Variants in AAAS observed in about 807,000 individuals in gnomAD.
AAAS encodes aladin.
In AAAS, 60 loss-of-function variants were observed where a neutral mutation model predicts 75.6. The ratio of observed to expected loss-of-function variants is 0.79; its 90% CI spans 0.64 to 0.98. AAAS has a LOEUF of 0.98. AAAS is among the 50% of genes least tolerant of loss of function. AAAS has a pLI of 0.00. For missense variants in AAAS, 658 were observed against 686.9 expected, an observed-to-expected ratio of 0.96 and a Z score of 0.47; for synonymous variants, 271 against 265.0, an observed-to-expected ratio of 1.02 and a Z score of -0.22.
intron 1 of AAAS, 31 bp downstream of exon 1, chr12:53,321,312 T>G: frequency 1.2e-6 from 2 of 1,605,252 alleles, no homozygotes; most frequent in Admixed American, 1.7e-5. Flanking sequence ...CCCCCATGCC[T>G]GTAGGTCCCC....
At chr12:53,311,204 A>G (rs1340358174) in intron 7 of AAAS, among the ~76,000 whole-genome samples, 1 of 152,130 alleles carries the variant, frequency 6.6e-6, no homozygotes, top group Non-Finnish European at 1.5e-5. Flanking sequence ...TCAGCCTCCG[A>G]AAGTGCTGGA....
chr12:53,310,742 A>G (rs1944376979), intron 7 of AAAS, among the ~76,000 whole-genome samples: 1 of 152,170 alleles, frequency 6.6e-6, no homozygotes, highest in Non-Finnish European at 1.5e-5. Flanking sequence ...AACCACCTTC[A>G]GCTCCAGTGA....
chr12:53,314,299 G>T lies in AAAS; in HGVS notation c.688C>A (p.Arg230=), dbSNP rs758057774. 6.2e-7 allele frequency: 1 copy of T among 1,614,170 alleles called. No homozygotes were observed. Among genetic ancestry groups the T allele is most frequent in the Non-Finnish European group, 8.5e-7 (1 of 1,180,036 alleles). ...GTAAGGCAGGCTACTAGGACTTACC[G>T]GGTAGACAAGGAGGTAGGGTCCAGG... ...WTLDPTSLST[R]PSSGCAQVLS... The change falls in exon 7 of 16, where the codon CGA becomes AGA. Residue 230 remains arginine, a splice_region_variant and synonymous_variant. Coordinates refer to ENST00000209873, the MANE Select transcript of AAAS (RefSeq NM_015665.6).
intron 1 of AAAS, 165 bp downstream of exon 1, chr12:53,321,178 C>G: frequency 2.7e-6 from 3 of 1,092,862 alleles, no homozygotes; most frequent in Non-Finnish European, 3.9e-6. Flanking sequence ...TACTCCAATC[C>G]CAGTCCTAAA....
Position 53,315,343 on chromosome 12 carries a change from G to T in AAAS, c.391C>A (p.His131Asn), listed in dbSNP as rs746462406. The change falls in exon 4 of 16, where the codon CAT becomes AAT. Residue 131 changes from histidine (H) to asparagine (N), a missense_variant. His to Asn is a moderately conservative substitution (Grantham distance 68). Transcript: ENST00000209873. ...ASSLHGSLFP[H>N]LSLRSEDLIA... ...GAGGAAGCCAAACTTACAGACAGAT[G>T]GGGGAACAGGGACCCATGGAGGGAA... 4.3e-6 allele frequency: 7 copies of T among 1,614,048 alleles called. No homozygotes were observed. Among genetic ancestry groups the T allele is most frequent in the African/African-American group, 1.3e-5 (1 of 74,932 alleles).
intron 1 of AAAS, 79 bp downstream of exon 1, chr12:53,321,264 G>A: frequency 6.3e-7 from 1 of 1,575,880 alleles, no homozygotes; most frequent in African/African-American, 1.3e-5. Flanking sequence ...CCCTGCCCCT[G>A]TCACACTGCC....
chr12:53,317,093 A>AAAT (rs1202635029), intron 2 of AAAS, among the ~76,000 whole-genome samples: 2 of 151,814 alleles, frequency 1.3e-5, no homozygotes, highest in East Asian at 1.9e-4. Context: ...CTGTCTCAAA[A>AAAT]AATAATAATA....
In AAAS at chr12:53,309,279, T is replaced by C. The variant is rs1200142947; in HGVS notation, c.813A>G (p.Val271=). 3.1e-6 allele frequency: 5 copies of C among 1,613,612 alleles called. No individual in the cohort carries two copies. In the Admixed American group the frequency reaches 5.0e-5, roughly 16 times the overall value. Residue 271 remains valine, a splice_region_variant and synonymous_variant, in exon 9 of 16, where the codon GTA becomes GTG. Coordinates refer to ENST00000209873, the MANE Select transcript of AAAS (RefSeq NM_015665.6). ...SASPVDAAIR[V]WDVSTETCVP... Reference sequence around the variant, plus strand: ...CACAGGTCTCTGTTGAGACATCCCATACCTAGGAGAGTGGGGCAGGAGATA... The same window carrying C: ...CACAGGTCTCTGTTGAGACATCCCACACCTAGGAGAGTGGGGCAGGAGATA...
chr12:53,316,715 C>T lies in AAAS; in HGVS notation c.252-933G>A, dbSNP rs547871477. ...GGTGGCGATTGCAGTGAGCCAACAT[C>T]GTGCCACCACACTCCAGCCTGGGCA... On this transcript the variant is annotated intron_variant, in intron 2 of 15. Coordinates refer to ENST00000209873, the MANE Select transcript of AAAS (RefSeq NM_015665.6). 5.4e-5 allele frequency among the ~76,000 whole-genome samples: 7 copies of T among 129,082 alleles called. No homozygotes were observed. In the East Asian group the frequency reaches 1.4e-3, roughly 27 times the overall value. 84.7% of individuals were successfully genotyped at this position (129,082 alleles called of 152,430 possible). A position where few individuals can be genotyped will look rare whatever the true frequency, so the allele number is the denominator to read the frequency against.
At chr12:53,314,171 G>A in intron 7 of AAAS, 127 bp downstream of exon 7, 1 of 1,376,340 alleles carries the variant, frequency 7.3e-7, no homozygotes, top group Non-Finnish European at 1.0e-6. Flanking sequence ...TCTTACTTCT[G>A]CTTTTCCCAT....
At chr12:53,313,033 T>C (rs984332567) in intron 7 of AAAS, among the ~76,000 whole-genome samples, 4 of 151,246 alleles carry the variant, frequency 2.6e-5, no homozygotes, top group African/African-American at 9.7e-5. Context: ...ATTTTTTGTA[T>C]TTTTAGTAAA....
intron 7 of AAAS, among the ~76,000 whole-genome samples, chr12:53,311,402 T>C (rs1319870057): frequency 6.6e-6 from 1 of 152,154 alleles, no homozygotes; most frequent in African/African-American, 2.4e-5. Flanking sequence ...GCTGGGATTA[T>C]AGGCGCACGC....
At chr12:53,313,733 C>T (rs1393588576) in intron 7 of AAAS, among the ~76,000 whole-genome samples, 3 of 151,788 alleles carry the variant, frequency 2.0e-5, no homozygotes, top group Non-Finnish European at 2.9e-5. Context: ...CTCAGCTTCC[C>T]GAGTAGCTGG....
intron 2 of AAAS, among the ~76,000 whole-genome samples, chr12:53,316,906 G>A (rs1944471536): frequency 1.3e-5 from 2 of 149,470 alleles, no homozygotes; most frequent in African/African-American, 4.9e-5. Flanking sequence ...ATAGGGAAAT[G>A]CTGTCTCTAC....
chr12:53,321,359 G>A lies in AAAS; in HGVS notation c.107C>T (p.Pro36Leu), dbSNP rs1021717925. The change falls in exon 1 of 16, where the codon CCC (proline) becomes CTC (leucine). Residue 36 changes from proline to leucine, a missense_variant. Transcript: ENST00000209873. Reference protein sequence around the residue: ...VTGSSYESPPPDFRGQWINLP... With the variant: ...VTGSSYESPPLDFRGQWINLP... The stretch of plus-strand genomic sequence containing the variant: ...CCTGGCCACCTGGCCCCGGAAGTCG[G>A]GGGGCGGGCTCTCATAGCTACTGCC... 75 of 1,613,888 alleles carry A rather than the reference G, an allele frequency of 4.6e-5. No homozygotes were observed. Among genetic ancestry groups the A allele is most frequent in the Non-Finnish European group, 6.0e-5 (71 of 1,179,966 alleles).
chr12:53,319,696 C>T (rs1294389127), intron 2 of AAAS, among the ~76,000 whole-genome samples: 1 of 147,360 alleles, frequency 6.8e-6, no homozygotes, highest in Non-Finnish European at 1.5e-5. Flanking sequence ...ACCAGCTACT[C>T]GGGAGGCTGA....
At chr12:53,310,689 G>A (rs1298470694) in intron 7 of AAAS, among the ~76,000 whole-genome samples, 1 of 152,172 alleles carries the variant, frequency 6.6e-6, no homozygotes, top group Admixed American at 6.5e-5. Context: ...ACAGACGAAG[G>A]CTACTACCTG....
At chr12:53,315,639 C>A in intron 3 of AAAS, 88 bp downstream of exon 3, 1 of 1,505,404 alleles carries the variant, frequency 6.6e-7, no homozygotes, top group South Asian at 1.2e-5. Context: ...CTAAAAGAGG[C>A]TGAGCCAACA....
In AAAS at chr12:53,307,661, T is replaced by A. The variant is rs766105926; in HGVS notation, c.1469A>T (p.Gln490Leu). The change falls in exon 16 of 16, where the codon CAG (glutamine) becomes CTG (leucine). Residue 490 changes from glutamine to leucine, a missense_variant. Gln to Leu is a moderately radical substitution (Grantham distance 113). Coordinates refer to ENST00000209873, the MANE Select transcript of AAAS (RefSeq NM_015665.6). ...AAGCACTGGGCTAAAACGTGGAAAC[T>A]GGGCATTGACAAAGTACAGCGGGAT... ...AHIPLYFVNA[Q>L]FPRFSPVLGR... 6 of 1,614,132 alleles carry A rather than the reference T, an allele frequency of 3.7e-6. No individual in the cohort carries two copies. In the Admixed American group the frequency reaches 5.0e-5, roughly 13 times the overall value.
Sources: allele counts gnomAD v4.1 joint callset (sites outside exome capture counted in the v4.1 genomes callset), GRCh38; gene constraint gnomAD v4.1.1; transcripts MANE v1.5; gene names NCBI Gene and HGNC (gene_info 2026-07-23, HGNC 2026-07-21).